The following UBFD1 variants were observed in gnomAD, a reference collection of about 807,000 sequenced individuals.
UBFD1 encodes the protein ubiquitin family domain containing 1.
In UBFD1, 12 loss-of-function variants were observed where a neutral mutation model predicts 35.1. That is an observed-to-expected ratio of 0.34 (90% CI 0.22 to 0.55). UBFD1 has a LOEUF of 0.55. Among genes scored for constraint, UBFD1 ranks in the 20% least tolerant of loss-of-function variants. The pLI is 0.89. For missense variants in UBFD1, 337 were observed against 410.8 expected (o/e 0.82, Z 1.55); for synonymous variants, 178 against 167.6 (o/e 1.06, Z -0.48).
chr16:23,557,839 C>T, intron 1 of UBFD1, 72 bp downstream of exon 1: 1 of 1,275,202 alleles, frequency 7.8e-7, no homozygotes, highest in Non-Finnish European at 9.9e-7. Flanking sequence ...GGATGCGGCC[C>T]GGCCCGGGAG....
chr16:23,566,674 T>C (rs1419857306), intron 5 of UBFD1: 1 of 228,600 alleles, frequency 4.4e-6, no homozygotes, highest in African/African-American at 2.3e-5. Context: ...GCCTGGCCTT[T>C]CTTGGATATT....
intron 3 of UBFD1, among the ~76,000 whole-genome samples, chr16:23,560,586 C>T (rs973956797): frequency 6.6e-6 from 1 of 152,026 alleles, no homozygotes; most frequent in Non-Finnish European, 1.5e-5. Flanking sequence ...TTCCAAAACC[C>T]CAAAGGAGTA....
chr16:23,562,171 A>C, intron 3 of UBFD1, 35 bp from the exon 4 acceptor site: 2 of 1,576,548 alleles, frequency 1.3e-6, no homozygotes, highest in Non-Finnish European at 1.7e-6. Context: ...AAATGTAGTC[A>C]GCTGTTTCAT....
At chr16:23,566,904 C>G (rs1966019296) in intron 5 of UBFD1, 83 bp from the exon 6 acceptor site, 1 of 1,350,078 alleles carries the variant, frequency 7.4e-7, no homozygotes, top group South Asian at 1.2e-5. Flanking sequence ...CCGCAGCCAC[C>G]AGCCCTGATG....
In UBFD1 at chr16:23,558,194, C is replaced by A; in HGVS notation, c.270C>A (p.Ile90=). Residue 90 remains isoleucine (I), a synonymous_variant, in exon 2 of 7, where the codon ATC becomes ATA. Coordinates refer to ENST00000395878, the MANE Select transcript of UBFD1 (RefSeq NM_019116.3). ...GAGRELVDLK[I]IWNKTKHDVK... ...GCAGGGAGCTGGTGGACTTGAAGATCATCTGGAATAAGACCAAGCATGACG... is the reference window on the plus strand; with the variant it reads ...GCAGGGAGCTGGTGGACTTGAAGATAATCTGGAATAAGACCAAGCATGACG... 6.2e-7 allele frequency: 1 copy of A among 1,609,536 alleles called. No individual in the cohort carries two copies. The highest frequency in any genetic ancestry group is 8.5e-7 in the Non-Finnish European group (1 of 1,178,286).
rs1399838134 is a variant in UBFD1 at position 23,570,552 on chromosome 16, A to G, written c.892A>G (p.Ile298Val). 8.1e-6 allele frequency: 13 copies of G among 1,613,940 alleles called. No individual in the cohort carries two copies. Among genetic ancestry groups the G allele is most frequent in the Non-Finnish European group, 1.0e-5 (12 of 1,180,012 alleles). The part of the protein sequence containing the change: ...YWVPTQYVDA[I>V]KDTVLGKWQY... The stretch of plus-strand genomic sequence containing the variant: ...GGTTCCAACTCAATATGTGGATGCA[A>G]TCAAAGACACTGTGCTGGGGAAATG... The change falls in exon 7 of 7, where the codon ATC (isoleucine) becomes GTC (valine). Residue 298 changes from isoleucine (I) to valine (V), a missense_variant. By Grantham distance (29) the Ile-to-Val change is conservative (BLOSUM62 3). Transcript: ENST00000395878.
intron 6 of UBFD1, among the ~76,000 whole-genome samples, chr16:23,568,466 G>C (rs1162010894): frequency 6.6e-6 from 1 of 151,636 alleles, no homozygotes; most frequent in Non-Finnish European, 1.5e-5. Flanking sequence ...CCCTCTCTCT[G>C]TAGTCTTTAT....
intron 1 of UBFD1, 78 bp from the exon 2 acceptor site, chr16:23,557,872 G>A (rs1965839253): frequency 2.4e-6 from 3 of 1,270,542 alleles, no homozygotes; most frequent in Non-Finnish European, 3.0e-6. Flanking sequence ...CTCGGGAACG[G>A]AGGTCCGGCG....
In UBFD1 at chr16:23,558,297, G is replaced by A. The variant is rs777303664; in HGVS notation, c.355+18G>A. ...GATTACAGGTAATTCCTGTGGCGCT[G>A]ACAGCCAGTCTTCCCCACCCCGCCT... On this transcript the variant is annotated intron_variant, in intron 2 of 6. Transcript: ENST00000395878. 6.3e-7 allele frequency: 1 copy of A among 1,592,406 alleles called. No homozygotes were observed. The highest frequency in any genetic ancestry group is 8.5e-7 in the Non-Finnish European group (1 of 1,170,340).
chr16:23,573,039 A>T lies in UBFD1; in HGVS notation c.*2449A>T, dbSNP rs1046081160. The T allele has an allele frequency of 6.6e-6, 1 of 152,222 alleles. No individual in the cohort carries two copies. Among genetic ancestry groups the T allele is most frequent in the East Asian group, 1.9e-4 (1 of 5,196 alleles). 9.4% of individuals were successfully genotyped at this position (152,222 alleles called of 1,614,324 possible). A position where few individuals can be genotyped will look rare whatever the true frequency, so the allele number is the denominator to read the frequency against. Reference sequence around the variant, plus strand: ...TTTGAGTTCCGTAAGCAGTCTCTTCATACATTTCTTACAGTCTGGAGTGTA... The same window carrying T: ...TTTGAGTTCCGTAAGCAGTCTCTTCTTACATTTCTTACAGTCTGGAGTGTA... On this transcript the variant is annotated 3_prime_UTR_variant, in exon 7 of 7. Transcript: ENST00000395878.
Position 23,573,007 on chromosome 16 carries a change from T to G in UBFD1, c.*2417T>G, listed in dbSNP as rs1444785687. On this transcript the variant is annotated 3_prime_UTR_variant, in exon 7 of 7. Transcript: ENST00000395878. ...GTCTGGGCCACAGTAGTATTCACTGTTTAGTCTTTGAGTTCCGTAAGCAGT... is the reference window on the plus strand; with the variant it reads ...GTCTGGGCCACAGTAGTATTCACTGGTTAGTCTTTGAGTTCCGTAAGCAGT... The G allele has an allele frequency of 6.6e-6, 1 of 152,242 alleles. No homozygotes were observed. Among genetic ancestry groups the G allele is most frequent in the Non-Finnish European group, 1.5e-5 (1 of 68,040 alleles). The allele number at this position is 152,242 out of a possible 1,614,324, so 9.4% of individuals were successfully genotyped here.
rs971023934 is a variant in UBFD1, at chr16:23,557,839, C to G, written c.25+72C>G. ...GGTCGCTCCTCTGGGGGATGCGGCCCGGCCCGGGAGGGAGAACCGCGGCTC... is the reference window on the plus strand; with the variant it reads ...GGTCGCTCCTCTGGGGGATGCGGCCGGGCCCGGGAGGGAGAACCGCGGCTC... On this transcript the variant is annotated intron_variant, in intron 1 of 6. Coordinates refer to ENST00000395878, the MANE Select transcript of UBFD1 (RefSeq NM_019116.3). 1.0e-5 allele frequency: 13 copies of G among 1,275,092 alleles called. No individual in the cohort carries two copies. The African/African-American group carries it at 1.9e-4, about 18-fold the overall frequency. 79.0% of individuals were successfully genotyped at this position (1,275,092 alleles called of 1,614,324 possible).
In UBFD1 at chr16:23,558,066, G is replaced by A; in HGVS notation, c.142G>A (p.Gly48Ser). ...AAAGAAAEDS[G>S]AARGSLQPAP... ...GGCGGGGGCGGCGGCCGAGGACTCC[G>A]GCGCCGCACGAGGCAGCCTGCAGCC... The change falls in exon 2 of 7, where the codon GGC (glycine) becomes AGC (serine). Residue 48 changes from glycine to serine, a missense_variant. Physicochemically the swap from Gly to Ser is moderately conservative, Grantham distance 56. Transcript: ENST00000395878. 7.1e-7 allele frequency: 1 copy of A among 1,399,892 alleles called. No homozygotes were observed. Among genetic ancestry groups the A allele is most frequent in the Non-Finnish European group, 9.3e-7 (1 of 1,080,978 alleles). 86.7% of individuals were successfully genotyped at this position (1,399,892 alleles called of 1,614,324 possible).
At chr16:23,558,791 T>G (rs1965874620) in intron 2 of UBFD1, among the ~76,000 whole-genome samples, 1 of 151,702 alleles carries the variant, frequency 6.6e-6, no homozygotes, top group Admixed American at 6.6e-5. Context: ...CTATTTTTTT[T>G]TTTTTTTGAG....
At chr16:23,568,060 G>T (rs1966034565) in intron 6 of UBFD1, among the ~76,000 whole-genome samples, 1 of 152,238 alleles carries the variant, frequency 6.6e-6, no homozygotes, top group South Asian at 2.1e-4. Context: ...GGCTGTAGCT[G>T]GGAGTGCAGT....
At chr16:23,560,868 G>C (rs927515922) in intron 3 of UBFD1, among the ~76,000 whole-genome samples, 1 of 152,168 alleles carries the variant, frequency 6.6e-6, no homozygotes, top group Non-Finnish European at 1.5e-5. Flanking sequence ...TCTTGAAACC[G>C]ATTGAGTTTC....
chr16:23,561,819 G>A (rs1244668304), intron 3 of UBFD1: 2 of 168,166 alleles, frequency 1.2e-5, no homozygotes, highest in Non-Finnish European at 2.5e-5. Context: ...TCATTTCAGT[G>A]GTGATTTTTT....
chr16:23,570,482 G>T lies in UBFD1; in HGVS notation c.822G>T (p.Ala274=). Residue 274 remains alanine (A), a splice_region_variant and synonymous_variant, in exon 7 of 7, where the codon GCG becomes GCT. Coordinates refer to ENST00000395878, the MANE Select transcript of UBFD1 (RefSeq NM_019116.3). ...IEGHEDYHMM[A]FQLGPTEASY... ...TGGTTTTCCTTTTTCCCTTCCAGGCGTTTCAGTTGGGCCCCACGGAAGCCT... is the reference window on the plus strand; with the variant it reads ...TGGTTTTCCTTTTTCCCTTCCAGGCTTTTCAGTTGGGCCCCACGGAAGCCT... 6.2e-7 allele frequency: 1 copy of T among 1,613,406 alleles called. No homozygotes were observed. Among genetic ancestry groups the T allele is most frequent in the East Asian group, 2.2e-5 (1 of 44,866 alleles).
chr16:23,559,825 A>C, intron 3 of UBFD1, 149 bp downstream of exon 3: 1 of 1,541,468 alleles, frequency 6.5e-7, no homozygotes, highest in Non-Finnish European at 8.7e-7. Flanking sequence ...CGCAGAGTGG[A>C]GGTGACAACT....
Sources: gnomAD v4.1 joint callset for allele counts (sites outside exome capture counted in the v4.1 genomes callset) on GRCh38, gnomAD v4.1.1 for gene constraint, MANE v1.5 for transcripts, NCBI Gene and HGNC (gene_info 2026-07-23, HGNC 2026-07-21) for gene names.